Variants in NCKAP1 observed in about 807,000 individuals in gnomAD.
The protein encoded by NCKAP1 is NCK associated protein 1, also known as nck-associated protein 1.
Under a neutral mutation model 151.2 loss-of-function variants are expected in NCKAP1, and 21 were observed. The ratio of observed to expected loss-of-function variants is 0.14; its 90% CI spans 0.10 to 0.20. The LOEUF is 0.20. Ranked by LOEUF, NCKAP1 falls within the 10% of genes least tolerant of loss-of-function variation. The pLI is 1.00. For missense variants in NCKAP1, 933 were observed against 1,352.1 expected (o/e 0.69, Z 4.86); for synonymous variants, 484 against 451.8 (o/e 1.07, Z -0.90).
intron 26 of NCKAP1, among the ~76,000 whole-genome samples, chr2:182,931,768 T>C (rs1182651255): frequency 6.6e-6 from 1 of 152,064 alleles, no homozygotes; most frequent in African/African-American, 2.4e-5. Context: ...CCAAAACATA[T>C]GAAGAACTCA....
chr2:182,982,866 T>C lies in NCKAP1; in HGVS notation c.1163A>G (p.His388Arg), dbSNP rs1697967833. Residue 388 changes from histidine to arginine, a missense_variant, in exon 12 of 31, where the codon CAT becomes CGT. By Grantham distance (29) the His-to-Arg change is conservative (BLOSUM62 0). This residue lies in a region of NCKAP1 where 607 missense variants were observed against 795.0 expected (regional missense o/e 0.76). Coordinates refer to ENST00000361354, the MANE Select transcript of NCKAP1 (RefSeq NM_013436.5). Reference sequence around the variant, plus strand: ...ACTCTTCTTTGGCATGTTATCTGCATGACGAAGTAGCCAGATGATTTCATC... The same window carrying C: ...ACTCTTCTTTGGCATGTTATCTGCACGACGAAGTAGCCAGATGATTTCATC... ...ARDEIIWLLR[H>R]ADNMPKKSAD... is the part of the protein sequence containing the mutation. The C allele has an allele frequency of 6.2e-7, 1 of 1,612,092 alleles. No individual in the cohort carries two copies. The highest frequency in any genetic ancestry group is 8.5e-7 in the Non-Finnish European group (1 of 1,179,146).
intron 10 of NCKAP1, 65 bp from the exon 11 acceptor site, chr2:182,983,447 A>G: frequency 8.3e-7 from 1 of 1,209,238 alleles, no homozygotes; most frequent in East Asian, 2.4e-5. Flanking sequence ...CAATTAAAGT[A>G]ACTAGCATTA....
intron 23 of NCKAP1, among the ~76,000 whole-genome samples, chr2:182,942,452 G>A (rs947514075): frequency 3.3e-5 from 5 of 151,946 alleles, no homozygotes; most frequent in Non-Finnish European, 5.9e-5. Flanking sequence ...GACGCTGAAC[G>A]GCATCAATAA....
chr2:182,934,430 A>G, intron 26 of NCKAP1: 1 of 161,972 alleles, frequency 6.2e-6, no homozygotes, highest in Non-Finnish European at 1.3e-5. Context: ...TACAGGCGTG[A>G]GCCACCGTGC....
At chr2:183,021,141 T>C (rs1698790594) in intron 2 of NCKAP1, among the ~76,000 whole-genome samples, 1 of 152,202 alleles carries the variant, frequency 6.6e-6, no homozygotes, top group Non-Finnish European at 1.5e-5. Flanking sequence ...CACAGGTTTA[T>C]AAAGCCAAGA....
Position 182,916,181 on chromosome 2 carries a change from A to C in NCKAP1, c.*9521T>G, listed in dbSNP as rs1009551923. ...CTTCGCCTTCTGTCAAAAAAAAAAA[A>C]AAAAAAAAAACATGTCTCTGTGTCA... On this transcript the variant is annotated 3_prime_UTR_variant, in exon 31 of 31. Coordinates refer to ENST00000361354, the MANE Select transcript of NCKAP1 (RefSeq NM_013436.5). 5.3e-5 allele frequency: 8 copies of C among 151,088 alleles called. No individual in the cohort carries two copies. The highest frequency in any genetic ancestry group is 2.0e-4 in the African/African-American group (8 of 40,968). 9.4% of individuals were successfully genotyped at this position (151,088 alleles called of 1,614,324 possible).
chr2:182,977,366 T>C (rs1471695799), intron 14 of NCKAP1, among the ~76,000 whole-genome samples: 1 of 152,110 alleles, frequency 6.6e-6, no homozygotes, highest in Non-Finnish European at 1.5e-5. Context: ...GGTGCGTGCC[T>C]GTAGTCCCAG....
intron 16 of NCKAP1, 31 bp downstream of exon 16, chr2:182,967,185 A>C (rs1697589348): frequency 1.8e-5 from 28 of 1,581,096 alleles, no homozygotes; most frequent in Non-Finnish European, 2.4e-5. Flanking sequence ...TAAAACTTTC[A>C]AATCCAGATT....
chr2:182,945,370 A>T (rs1697080981), intron 23 of NCKAP1, among the ~76,000 whole-genome samples: 1 of 152,104 alleles, frequency 6.6e-6, no homozygotes. Context: ...TGCACTCCAG[A>T]CCAGGTGACA....
chr2:183,032,735 A>C (rs532051531), intron 1 of NCKAP1, among the ~76,000 whole-genome samples: 3 of 152,170 alleles, frequency 2.0e-5, no homozygotes, highest in Non-Finnish European at 4.4e-5. Context: ...ATTCCAATAA[A>C]CCTATCTTTA....
At chr2:183,033,946 A>T (rs751421669) in intron 1 of NCKAP1, among the ~76,000 whole-genome samples, 3 of 152,190 alleles carry the variant, frequency 2.0e-5, no homozygotes, top group Non-Finnish European at 4.4e-5. Flanking sequence ...TTTTAAAGTT[A>T]CTTAACAATT....
At chr2:182,998,257 TG>T (rs1233207992) in intron 6 of NCKAP1, among the ~76,000 whole-genome samples, 1 of 152,072 alleles carries the variant, frequency 6.6e-6, no homozygotes, top group East Asian at 1.9e-4. Flanking sequence ...CCGTAAGAAC[TG>T]GAACAAGACA....
chr2:182,959,612 C>G (rs572964545), intron 18 of NCKAP1, among the ~76,000 whole-genome samples: 1 of 152,194 alleles, frequency 6.6e-6, no homozygotes, highest in Admixed American at 6.5e-5. Context: ...CCATCTATGA[C>G]AAACCCACAG....
chr2:182,951,474 G>T (rs1210001190), intron 23 of NCKAP1, among the ~76,000 whole-genome samples: 1 of 151,322 alleles, frequency 6.6e-6, no homozygotes, highest in Non-Finnish European at 1.5e-5. Context: ...TTCGAGACCA[G>T]CCTGGCCAAC....
At chr2:182,994,506 G>A (rs868801301) in intron 8 of NCKAP1, among the ~76,000 whole-genome samples, 11 of 152,086 alleles carry the variant, frequency 7.2e-5, no homozygotes, top group African/African-American at 2.2e-4. Context: ...AGGCATGGTA[G>A]CGTGTGCCTG....
In NCKAP1 at chr2:182,910,847, A is replaced by C. The variant is rs1393920804; in HGVS notation, c.*14855T>G. ...CAGCAACCTTCAGAGAAAGTTACTG[A>C]GAAGAAGGTGATTGCTAAGTATTTA... On this transcript the variant is annotated 3_prime_UTR_variant, in exon 31 of 31. Transcript: ENST00000361354. 6.6e-6 allele frequency: 1 copy of C among 152,144 alleles called. No individual in the cohort carries two copies. The highest frequency in any genetic ancestry group is 1.5e-5 in the Non-Finnish European group (1 of 68,026). The allele number at this position is 152,144 out of a possible 1,614,324, so 9.4% of individuals were successfully genotyped here.
intron 23 of NCKAP1, among the ~76,000 whole-genome samples, chr2:182,943,929 C>T (rs959666987): frequency 6.6e-6 from 1 of 152,176 alleles, no homozygotes; most frequent in Non-Finnish European, 1.5e-5. Context: ...TGTTCTTAAT[C>T]CCTAAAGAAA....
intron 2 of NCKAP1, among the ~76,000 whole-genome samples, chr2:183,014,392 A>G (rs1199727416): frequency 1.3e-5 from 2 of 152,186 alleles, no homozygotes; most frequent in East Asian, 3.9e-4. Context: ...AGATAGTAAA[A>G]AAAAGTCGAG....
rs552806020 is a variant in NCKAP1, at chr2:182,957,565, C to A, written c.1913G>T (p.Ser638Ile). Residue 638 changes from serine to isoleucine, a missense_variant, in exon 19 of 31, where the codon AGT becomes ATT. This residue lies in a region of NCKAP1 where 607 missense variants were observed against 795.0 expected (regional missense o/e 0.76). Transcript: ENST00000361354. ...TTTTGATTTCTTATTCACTGCTTGA[C>A]TGATAGTTTTGGCACAATGCTTGGG... Reference protein sequence around the residue: ...LLPKHCAKTISQAVNKKSKKQ... With the variant: ...LLPKHCAKTIIQAVNKKSKKQ... The A allele has an allele frequency of 1.9e-6, 3 of 1,613,454 alleles. No individual in the cohort carries two copies. The highest frequency in any genetic ancestry group is 2.5e-6 in the Non-Finnish European group (3 of 1,179,786).
Sources: gnomAD v4.1 joint callset for allele counts (sites outside exome capture counted in the v4.1 genomes callset) on GRCh38, gnomAD v4.1.1 for gene constraint, gnomAD v4.1.1 regional missense constraint, MANE v1.5 for transcripts, NCBI Gene and HGNC (gene_info 2026-07-23, HGNC 2026-07-21) for gene names.